Variants in GAREM1 observed in about 807,000 individuals in gnomAD.
GAREM1 encodes GRB2-associated and regulator of MAPK protein 1.
GAREM1 carries 26 observed loss-of-function variants against 71.3 expected under a neutral mutation model. The observed-to-expected ratio is 0.36, with a 90% CI of 0.27 to 0.51. The LOEUF (loss-of-function observed/expected upper bound fraction) is 0.51, where lower values mean the gene tolerates loss of function less well. GAREM1 is among the 20% of genes least tolerant of loss of function. GAREM1 has a pLI of 0.95. For synonymous variants in GAREM1, 440 were observed against 433.2 expected (o/e 1.02, Z -0.20); for missense variants, 1,026 against 1,103.1 (o/e 0.93, Z 0.99).
chr18:32,324,795 TG>T (rs912234579), intron 2 of GAREM1, among the ~76,000 whole-genome samples: 40 of 152,208 alleles, frequency 2.6e-4, no homozygotes, highest in African/African-American at 9.2e-4. Flanking sequence ...TGAAAAGACA[TG>T]GGGGAAACTT....
At chr18:32,324,209 C>T (rs778978780) in intron 2 of GAREM1, among the ~76,000 whole-genome samples, 34 of 152,212 alleles carry the variant, frequency 2.2e-4, no homozygotes, top group Admixed American at 4.6e-4. Flanking sequence ...GGTGCTTATG[C>T]TTCTCTTCTA....
chr18:32,362,911 C>G (rs371327279), intron 2 of GAREM1, among the ~76,000 whole-genome samples: 81 of 152,322 alleles, frequency 5.3e-4, no homozygotes, highest in African/African-American at 1.9e-3. Flanking sequence ...TTTATACCAA[C>G]TAGCAAAGGC....
intron 4 of GAREM1, among the ~76,000 whole-genome samples, chr18:32,285,889 C>T (rs1340417679): frequency 6.6e-6 from 1 of 152,136 alleles, no homozygotes; most frequent in African/African-American, 2.4e-5. Flanking sequence ...AGAAAGGTGT[C>T]CTAAGATCAC....
chr18:32,454,446 C>T (rs2048869246), intron 1 of GAREM1, among the ~76,000 whole-genome samples: 1 of 152,140 alleles, frequency 6.6e-6, no homozygotes, highest in Admixed American at 6.5e-5. Flanking sequence ...GAAATATATT[C>T]TTACAATACA....
At chr18:32,405,605 G>A (rs2048357301) in intron 1 of GAREM1, among the ~76,000 whole-genome samples, 1 of 152,162 alleles carries the variant, frequency 6.6e-6, no homozygotes, top group African/African-American at 2.4e-5. Flanking sequence ...ATCCCTAACT[G>A]TCCTTGCAGT....
At chr18:32,425,814 T>G (rs760966156) in intron 1 of GAREM1, among the ~76,000 whole-genome samples, 5 of 152,186 alleles carry the variant, frequency 3.3e-5, no homozygotes, top group Non-Finnish European at 4.4e-5. Context: ...CAGTTCTTTG[T>G]GAGAAAGAAA....
At chr18:32,398,429 T>C (rs1004661678) in intron 1 of GAREM1, among the ~76,000 whole-genome samples, 8 of 151,526 alleles carry the variant, frequency 5.3e-5, no homozygotes, top group African/African-American at 1.9e-4. Context: ...GCAAGACTAA[T>C]AAAGAAGAAA....
chr18:32,384,080 A>C (rs11661378), intron 2 of GAREM1, among the ~76,000 whole-genome samples: 5,336 of 152,216 alleles, frequency 0.035, 142 homozygotes, highest in East Asian at 0.11. Flanking sequence ...AAGTTCCTTT[A>C]TTTCCAAGTT....
In GAREM1 at chr18:32,470,012, G is replaced by C. The variant is rs2049034455; in HGVS notation, c.121+296C>G. On this transcript the variant is annotated intron_variant, in intron 1 of 5. Transcript: ENST00000269209. The surrounding 1 kb of genome is among the most constrained non-coding windows in gnomAD (Gnocchi z 4.4). ...GTTGAGTAATTCTTGCAGGAGGGTG[G>C]GGAGGGATATCTGGCGTCCAAGATT... 6.6e-6 allele frequency among the ~76,000 whole-genome samples: 1 copy of C among 152,164 alleles called. No individual in the cohort carries two copies. Among genetic ancestry groups the C allele is most frequent in the Admixed American group, 6.5e-5 (1 of 15,276 alleles).
At chr18:32,464,174 C>A (rs144542527) in intron 1 of GAREM1, among the ~76,000 whole-genome samples, 4 of 151,790 alleles carry the variant, frequency 2.6e-5, no homozygotes, top group African/African-American at 9.7e-5. Flanking sequence ...GCCTGTAAGC[C>A]CAGCTACTTG....
chr18:32,319,419 G>GC (rs2047409408), intron 2 of GAREM1, among the ~76,000 whole-genome samples: 1 of 152,164 alleles, frequency 6.6e-6, no homozygotes, highest in African/African-American at 2.4e-5. Context: ...AAGTAGGATT[G>GC]CCCCATAAAA....
At chr18:32,424,346 T>C (rs1042581764) in intron 1 of GAREM1, among the ~76,000 whole-genome samples, 1 of 152,238 alleles carries the variant, frequency 6.6e-6, no homozygotes, top group African/African-American at 2.4e-5. Context: ...GTTACATAAA[T>C]ATATGATCCC....
intron 2 of GAREM1, among the ~76,000 whole-genome samples, chr18:32,344,281 C>T (rs763196144): frequency 6.6e-6 from 1 of 152,100 alleles, no homozygotes; most frequent in Non-Finnish European, 1.5e-5. Context: ...AAATCTGGTC[C>T]TGAACCACTG....
intron 1 of GAREM1, among the ~76,000 whole-genome samples, chr18:32,398,494 G>A (rs1486636272): frequency 2.6e-5 from 4 of 152,114 alleles, no homozygotes; most frequent in African/African-American, 9.7e-5. Flanking sequence ...TATCACCACC[G>A]ATCCCTCAGA....
chr18:32,298,215 A>T (rs992815509), intron 3 of GAREM1, among the ~76,000 whole-genome samples: 1 of 152,148 alleles, frequency 6.6e-6, no homozygotes, highest in Non-Finnish European at 1.5e-5. Flanking sequence ...CATGCTTCCA[A>T]CTCTGAAGTC....
At chr18:32,407,182 T>C (rs957742287) in intron 1 of GAREM1, among the ~76,000 whole-genome samples, 1 of 152,194 alleles carries the variant, frequency 6.6e-6, no homozygotes, top group Non-Finnish European at 1.5e-5. Context: ...CATGTTGTGG[T>C]ACAGAGAAAG....
intron 1 of GAREM1, among the ~76,000 whole-genome samples, chr18:32,414,164 G>T (rs976813197): frequency 6.6e-6 from 1 of 151,986 alleles, no homozygotes; most frequent in Non-Finnish European, 1.5e-5. Flanking sequence ...CATTAAATTG[G>T]AATAACATTT....
rs184921529 is a variant in GAREM1 at position 32,283,236 on chromosome 18, T to A, written c.1566+3795A>T. Among the ~76,000 whole-genome samples the A allele has an allele frequency of 2.4e-3, 361 of 152,194 alleles. 2 individuals carry two copies. The highest frequency in any genetic ancestry group is 6.8e-3 in the Middle Eastern group (2 of 294). On this transcript the variant is annotated intron_variant, in intron 4 of 5. Coordinates refer to ENST00000269209, the MANE Select transcript of GAREM1 (RefSeq NM_001242409.2). ...CATATTCCAGAGAGGTTAGTGTCAG[T>A]GTTTTGTTTAAAAAATTATTAAACA...
At chr18:32,365,913 T>C (rs1177471823) in intron 2 of GAREM1, among the ~76,000 whole-genome samples, 3 of 152,190 alleles carry the variant, frequency 2.0e-5, no homozygotes, top group African/African-American at 4.8e-5. Context: ...GGAGGATTTA[T>C]AGAAGTGCAG....
Sources: allele counts gnomAD v4.1 joint callset (sites outside exome capture counted in the v4.1 genomes callset), GRCh38; gene constraint gnomAD v4.1.1; non-coding constraint Gnocchi (gnomAD v3.1); transcripts MANE v1.5; gene names NCBI Gene and HGNC (gene_info 2026-07-23, HGNC 2026-07-21).